XRRA1: variants seen among roughly 807,000 people sequenced by gnomAD.
XRRA1 encodes the protein X-ray radiation resistance associated 1, also known as X-ray radiation resistance-associated protein 1.
XRRA1 carries 69 observed loss-of-function variants against 80.2 expected under a neutral mutation model. The ratio of observed to expected loss-of-function variants is 0.86; its 90% confidence interval spans 0.71 to 1.05. The LOEUF (loss-of-function observed/expected upper bound fraction) is 1.05. Among genes scored for constraint, XRRA1 ranks in the 50% least tolerant of loss-of-function variants. The pLI is 0.00. For synonymous variants in XRRA1, 348 were observed against 389.9 expected (o/e 0.89, Z 1.27); for missense variants, 967 against 976.4 (o/e 0.99, Z 0.13).
In XRRA1 at chr11:74,906,410, A is replaced by G. The variant is rs778429705; in HGVS notation, c.832T>C (p.Tyr278His). 2.5e-6 allele frequency: 4 copies of G among 1,613,862 alleles called. No individual in the cohort carries two copies. The highest frequency in any genetic ancestry group is 3.4e-6 in the Non-Finnish European group (4 of 1,179,892). The change falls in exon 10 of 19, where the codon TAC becomes CAC. Residue 278 changes from tyrosine to histidine, a missense_variant. Physicochemically the swap from Tyr to His is moderately conservative, Grantham distance 83. Transcript: ENST00000684022. Reference protein sequence around the residue: ...LDENRIIRIPYLQQVQLYDES... With the variant: ...LDENRIIRIPHLQQVQLYDES... ...TCATAGAGCTGAACTTGCTGTAGGT[A>G]TGGGATCCTGATAATCCTGTTTTCA...
At chr11:74,927,567 T>G in intron 6 of XRRA1, 79 bp from the exon 7 acceptor site, 1 of 989,852 alleles carries the variant, frequency 1.0e-6, no homozygotes, top group East Asian at 2.4e-5. Context: ...CCATTTACTG[T>G]GTCCCTACTG....
At chr11:74,856,256 A>C (rs2041079461) in intron 12 of XRRA1, among the ~76,000 whole-genome samples, 1 of 152,246 alleles carries the variant, frequency 6.6e-6, no homozygotes, top group African/African-American at 2.4e-5. Flanking sequence ...TAGTGCTAAA[A>C]AACAAAAGCA....
intron 8 of XRRA1, among the ~76,000 whole-genome samples, chr11:74,916,843 T>C (rs1035208248): frequency 3.9e-5 from 6 of 152,208 alleles, no homozygotes; most frequent in African/African-American, 1.4e-4. Context: ...TTGCAGGCTG[T>C]CTCTGTGTCA....
intron 10 of XRRA1, among the ~76,000 whole-genome samples, chr11:74,865,679 C>T (rs1169045977): frequency 6.6e-6 from 1 of 152,242 alleles, no homozygotes; most frequent in Non-Finnish European, 1.5e-5. Context: ...TTCATTCCTA[C>T]AACAGATCCC....
chr11:74,847,482 T>G (rs979499817), intron 15 of XRRA1, among the ~76,000 whole-genome samples: 6 of 152,252 alleles, frequency 3.9e-5, no homozygotes, highest in Non-Finnish European at 8.8e-5. Flanking sequence ...TTTAATTTCC[T>G]TCCTCTATCC....
At chr11:74,907,810 G>T (rs987380690) in intron 8 of XRRA1, among the ~76,000 whole-genome samples, 1 of 152,112 alleles carries the variant, frequency 6.6e-6, no homozygotes, top group Admixed American at 6.5e-5. Flanking sequence ...TTCATAAAAT[G>T]AACACATGAG....
intron 10 of XRRA1, among the ~76,000 whole-genome samples, chr11:74,866,349 G>A (rs1324180350): frequency 6.6e-6 from 1 of 152,008 alleles, no homozygotes. Flanking sequence ...AACCTCCTGG[G>A]CTCAAGCAAT....
intron 10 of XRRA1, among the ~76,000 whole-genome samples, chr11:74,868,684 G>C (rs2044046001): frequency 6.6e-6 from 1 of 151,598 alleles, no homozygotes; most frequent in Non-Finnish European, 1.5e-5. Context: ...AAAAAAAGCA[G>C]GGGTTGTTGA....
intron 10 of XRRA1, chr11:74,864,059 A>G (rs1336969710): frequency 2.0e-5 from 3 of 152,222 alleles, no homozygotes; most frequent in Admixed American, 1.3e-4. Flanking sequence ...ATCTCCTACT[A>G]TTTGAGGAAA....
intron 15 of XRRA1, among the ~76,000 whole-genome samples, chr11:74,846,666 A>G (rs1163144871): frequency 6.6e-6 from 1 of 152,182 alleles, no homozygotes; most frequent in Non-Finnish European, 1.5e-5. Flanking sequence ...AAACCATATG[A>G]TCATCTCAGT....
intron 16 of XRRA1, 47 bp from the exon 17 acceptor site, chr11:74,844,330 T>TCCC: frequency 7.9e-6 from 11 of 1,383,746 alleles, no homozygotes; most frequent in Non-Finnish European, 1.1e-5. Flanking sequence ...CCCCTCCTCC[T>TCCC]CCCAGATGCC....
intron 7 of XRRA1, among the ~76,000 whole-genome samples, chr11:74,921,711 T>C (rs1412449049): frequency 6.6e-6 from 1 of 152,174 alleles, no homozygotes; most frequent in Non-Finnish European, 1.5e-5. Context: ...TAAAACCTTC[T>C]CAATTCCCCA....
At chr11:74,933,549 C>T (rs1944178860) in intron 5 of XRRA1, 2 of 353,106 alleles carry the variant, frequency 5.7e-6, no homozygotes, top group Non-Finnish European at 1.1e-5. Flanking sequence ...AGCCACCACG[C>T]CTGGCCCATA....
intron 14 of XRRA1, 49 bp from the exon 15 acceptor site, chr11:74,848,511 C>T (rs1202307153): frequency 2.6e-6 from 4 of 1,511,998 alleles, no homozygotes; most frequent in Admixed American, 2.0e-5. Context: ...TTAGGATTCT[C>T]TCCTCCTGGG....
rs769038963 is a variant in XRRA1, at chr11:74,843,886, C to T, written c.2117G>A (p.Arg706Gln). 15 of 1,612,560 alleles carry T rather than the reference C, an allele frequency of 9.3e-6. No individual in the cohort carries two copies. In the East Asian group the frequency reaches 2.5e-4, roughly 26 times the overall value. Residue 706 changes from arginine (R) to glutamine (Q), a missense_variant, in exon 18 of 19, where the codon CGG becomes CAG. Transcript: ENST00000684022. ...QLLDDIFIRL[R>Q]DPRNITEAPL... ...AGCCTCTGTAATGTTCCGGGGATCC[C>T]GCAAGCGAATGAAGATGTCATCCAG...
rs766884735 is a variant in XRRA1 at position 74,851,206 on chromosome 11, G to A, written c.1265-3C>T. On this transcript the variant is annotated splice_region_variant and splice_polypyrimidine_tract_variant and intron_variant, in intron 13 of 18. Transcript: ENST00000684022. ...GCTCTTCAGCAGTGGAGGGACCCCT[G>A]GTGCCATGATGGGAAAATAAGATTA... 51 of 1,601,330 alleles carry A rather than the reference G, an allele frequency of 3.2e-5. No homozygotes were observed. The highest frequency in any genetic ancestry group is 4.1e-5 in the Non-Finnish European group (48 of 1,174,836).
intron 12 of XRRA1, among the ~76,000 whole-genome samples, chr11:74,857,808 C>G (rs986216716): frequency 6.6e-6 from 1 of 152,094 alleles, no homozygotes; most frequent in African/African-American, 2.4e-5. Flanking sequence ...ATACAAGACA[C>G]CTAGAAGAGC....
intron 10 of XRRA1, among the ~76,000 whole-genome samples, chr11:74,865,481 C>T (rs1226269129): frequency 5.3e-5 from 8 of 152,072 alleles, no homozygotes; most frequent in African/African-American, 7.2e-5. Context: ...TCCATCTGTG[C>T]GGAGACATGC....
In XRRA1 at chr11:74,844,180, G is replaced by C. The variant is rs2037352754; in HGVS notation, c.2031C>G (p.His677Gln). Residue 677 changes from histidine (H) to glutamine (Q), a missense_variant, in exon 17 of 19, where the codon CAC becomes CAG. Physicochemically the swap from His to Gln is conservative, Grantham distance 24. Coordinates refer to ENST00000684022, the MANE Select transcript of XRRA1 (RefSeq NM_001378157.1). ...KLDTLQKPYV[H>Q]KEKRAQRIPI... ...GCTGGATGTTTACCCGTTTCTCTTT[G>C]TGAACATAGGGTTTCTGAAGAGTGT... The C allele has an allele frequency of 6.2e-7, 1 of 1,613,828 alleles. No individual in the cohort carries two copies. Among genetic ancestry groups the C allele is most frequent in the South Asian group, 1.1e-5 (1 of 91,088 alleles).
Sources: gnomAD v4.1 joint callset for allele counts (sites outside exome capture counted in the v4.1 genomes callset) on GRCh38, gnomAD v4.1.1 for gene constraint, MANE v1.5 for transcripts, NCBI Gene and HGNC (gene_info 2026-07-23, HGNC 2026-07-21) for gene names.